FAM20B: variants seen among roughly 807,000 people sequenced by gnomAD.
FAM20B encodes glycosaminoglycan xylosylkinase.
In FAM20B, 23 loss-of-function variants were observed where a neutral mutation model predicts 43.8. The ratio of observed to expected loss-of-function variants is 0.53; its 90% CI spans 0.38 to 0.74. The LOEUF (loss-of-function observed/expected upper bound fraction) is 0.74, where lower values mean the gene tolerates loss of function less well. FAM20B is among the 30% of genes least tolerant of loss of function. The pLI, the probability that FAM20B is intolerant of heterozygous loss-of-function variation, is 0.00. For missense variants in FAM20B, 440 were observed against 510.5 expected (o/e 0.86, Z 1.33); for synonymous variants, 178 against 192.4 (o/e 0.93, Z 0.62).
upstream of FAM20B, among the ~76,000 whole-genome samples, chr1:179,023,441 G>T (rs934985159): frequency 6.6e-6 from 1 of 152,188 alleles, no homozygotes; most frequent in African/African-American, 2.4e-5. Context: ...TCGTATGAGT[G>T]GTAAAAGGAG....
rs550022003 is a variant in FAM20B, at chr1:179,058,722, G to A, written c.574+4084G>A. ...ATTGTCAAGGGTGCATTGGGAAGGGGAGAATCAAGAGCTGAGAGCACTCTG... is the reference window on the plus strand; with the variant it reads ...ATTGTCAAGGGTGCATTGGGAAGGGAAGAATCAAGAGCTGAGAGCACTCTG... On this transcript the variant is annotated intron_variant, in intron 4 of 7. Transcript: ENST00000263733. Among the ~76,000 whole-genome samples, 24 of 152,328 alleles carry A rather than the reference G, an allele frequency of 1.6e-4. No homozygotes were observed. The South Asian group carries it at 1.7e-3, about 11-fold the overall frequency.
chr1:179,037,491 T>TC (rs1650293469), intron 1 of FAM20B, among the ~76,000 whole-genome samples: 1 of 142,894 alleles, frequency 7.0e-6, no homozygotes, highest in Non-Finnish European at 1.5e-5. Context: ...TTTTTTTTTT[T>TC]TTTTTTTTTG....
In FAM20B at chr1:179,072,197, C is replaced by A; in HGVS notation, c.*53C>A. The A allele has an allele frequency of 7.3e-7, 1 of 1,364,894 alleles. No individual in the cohort carries two copies. Among genetic ancestry groups the A allele is most frequent in the Non-Finnish European group, 1.0e-6 (1 of 977,462 alleles). 84.5% of individuals were successfully genotyped at this position (1,364,894 alleles called of 1,614,324 possible). A position where few individuals can be genotyped will look rare whatever the true frequency, so the allele number is the denominator to read the frequency against. ...TTTTTACAAAGATAGAGAAACAGCA[C>A]AATCAATTCCAAATGGTATGAGATG... is the stretch of plus-strand genomic sequence containing the variant. On this transcript the variant is annotated 3_prime_UTR_variant, in exon 8 of 8. Transcript: ENST00000263733.
chr1:179,052,992 C>G (rs1651067769), intron 3 of FAM20B, among the ~76,000 whole-genome samples: 1 of 152,062 alleles, frequency 6.6e-6, no homozygotes. Context: ...TTTGTATTTC[C>G]CCATTACTGG....
chr1:179,042,246 G>T (rs545019209), intron 1 of FAM20B, among the ~76,000 whole-genome samples: 2 of 152,272 alleles, frequency 1.3e-5, no homozygotes, highest in African/African-American at 2.4e-5. Flanking sequence ...AGCAAGGGGT[G>T]TGTGGACAAG....
At chr1:179,066,503 C>T (rs910094602) in intron 6 of FAM20B, among the ~76,000 whole-genome samples, 1 of 152,128 alleles carries the variant, frequency 6.6e-6, no homozygotes, top group Non-Finnish European at 1.5e-5. Flanking sequence ...TCCCTTTGGT[C>T]TGTGAACTCC....
chr1:179,043,632 T>A, intron 1 of FAM20B, 83 bp from the exon 2 acceptor site: 2 of 472,484 alleles, frequency 4.2e-6, no homozygotes, highest in Non-Finnish European at 7.5e-6. Context: ...AAAGGGTGAG[T>A]CATATATTAG....
At chr1:179,061,601 G>C (rs925129979) in intron 4 of FAM20B, among the ~76,000 whole-genome samples, 1 of 152,006 alleles carries the variant, frequency 6.6e-6, no homozygotes, top group Admixed American at 6.6e-5. Flanking sequence ...TAGAGACAAG[G>C]TTTCATTGTG....
At chr1:179,027,013 C>T (rs1451780001) in intron 1 of FAM20B, among the ~76,000 whole-genome samples, 1 of 152,210 alleles carries the variant, frequency 6.6e-6, no homozygotes, top group Non-Finnish European at 1.5e-5. Flanking sequence ...TAAGGAGTTT[C>T]TAATTTGGGA....
In FAM20B at chr1:179,043,982, G is replaced by A. The variant is rs1236438989; in HGVS notation, c.135G>A (p.Met45Ile). ...REDQRAFHRM[M>I]TGLRVELAPK... ...ACCAGAGGGCCTTTCACCGAATGAT[G>A]ACTGGCTTGCGGGTGGAGCTGGCAC... The change falls in exon 2 of 8, where the codon ATG becomes ATA. Residue 45 changes from methionine to isoleucine, a missense_variant. Met to Ile is a conservative substitution (Grantham distance 10, BLOSUM62 1). Coordinates refer to ENST00000263733, the MANE Select transcript of FAM20B (RefSeq NM_014864.4). 6.2e-7 allele frequency: 1 copy of A among 1,614,156 alleles called. No individual in the cohort carries two copies. Among genetic ancestry groups the A allele is most frequent in the Admixed American group, 1.7e-5 (1 of 60,014 alleles).
intron 6 of FAM20B, among the ~76,000 whole-genome samples, chr1:179,064,710 C>T (rs986653872): frequency 6.6e-6 from 1 of 152,208 alleles, no homozygotes; most frequent in Non-Finnish European, 1.5e-5. Flanking sequence ...TCCAAGGAGT[C>T]TAAGACTCTA....
chr1:179,060,175 C>T (rs1233612214), intron 4 of FAM20B, among the ~76,000 whole-genome samples: 1 of 151,946 alleles, frequency 6.6e-6, no homozygotes, highest in Non-Finnish European at 1.5e-5. Context: ...ACTTTTTTTA[C>T]TTAATAGATT....
intron 1 of FAM20B, among the ~76,000 whole-genome samples, chr1:179,028,489 G>A (rs1225002856): frequency 6.6e-6 from 1 of 152,198 alleles, no homozygotes; most frequent in Non-Finnish European, 1.5e-5. Flanking sequence ...GGCTGAGGCA[G>A]GAGAATCGCT....
In FAM20B at chr1:179,073,166, G is replaced by A. The variant is rs147003645; in HGVS notation, c.*1022G>A. 29 of 152,150 alleles carry A rather than the reference G, an allele frequency of 1.9e-4. No individual in the cohort carries two copies. The East Asian group carries it at 5.0e-3, about 26-fold the overall frequency. The allele number at this position is 152,150 out of a possible 1,614,324, so 9.4% of individuals were successfully genotyped here. ...CTGAAGCTGCTGTTCCCAAGAGATC[G>A]GCAACCTTTTTGTCCCTTTCTCATA... On this transcript the variant is annotated 3_prime_UTR_variant, in exon 8 of 8. Transcript: ENST00000263733.
At chr1:179,063,038 A>C (rs1466561819) in intron 4 of FAM20B, among the ~76,000 whole-genome samples, 1 of 152,174 alleles carries the variant, frequency 6.6e-6, no homozygotes, top group Non-Finnish European at 1.5e-5. Flanking sequence ...GCACTTTGGG[A>C]GGCTGAGGTG....
intron 6 of FAM20B, 137 bp downstream of exon 6, chr1:179,064,633 T>C (rs1254750447): frequency 1.1e-5 from 7 of 662,610 alleles, no homozygotes; most frequent in Non-Finnish European, 1.8e-5. Context: ...GAGTCTTTGC[T>C]ATTGGTACCT....
chr1:179,052,940 A>C (rs72709405), intron 3 of FAM20B, among the ~76,000 whole-genome samples: 3,795 of 152,226 alleles, frequency 0.025, 67 homozygotes, highest in Non-Finnish European at 0.037. Flanking sequence ...AGTTTTGTTG[A>C]TATATATGTA....
Position 179,047,800 on chromosome 1 carries a change from T to C in FAM20B, c.378-2479T>C, listed in dbSNP as rs1428434037. 3.9e-5 allele frequency among the ~76,000 whole-genome samples: 6 copies of C among 152,352 alleles called. No individual in the cohort carries two copies. The East Asian group carries it at 1.2e-3, about 29-fold the overall frequency. ...GTCCTGGTGTAAGTGCAAATTAATG[T>C]CCTTGGTCATACTCTGATGTCCTTC... On this transcript the variant is annotated intron_variant, in intron 2 of 7. Transcript: ENST00000263733.
intron 4 of FAM20B, among the ~76,000 whole-genome samples, chr1:179,059,764 G>A (rs909133472): frequency 1.3e-5 from 2 of 152,114 alleles, no homozygotes; most frequent in African/African-American, 4.8e-5. Context: ...ATGAGGCCAG[G>A]AGTTTGAGAC....
Sources: allele counts gnomAD v4.1 joint callset (sites outside exome capture counted in the v4.1 genomes callset), GRCh38; gene constraint gnomAD v4.1.1; transcripts MANE v1.5; gene names NCBI Gene and HGNC (gene_info 2026-07-23, HGNC 2026-07-21).